Variants in TMA16 observed in about 807,000 individuals in gnomAD.
TMA16 encodes translation machinery associated 16 homolog, also known as translation machinery-associated protein 16.
TMA16 carries 26 observed loss-of-function variants against 27.1 expected under a neutral mutation model. The ratio of observed to expected loss-of-function variants is 0.96; its 90% CI spans 0.70 to 1.33. TMA16 has a LOEUF of 1.33. Ranked by LOEUF, TMA16 falls within the 40% of genes most tolerant of loss-of-function variation. The pLI is 0.00. For missense variants in TMA16, 233 were observed against 241.4 expected, an observed-to-expected ratio of 0.97 and a Z score of 0.23; for synonymous variants, 71 against 81.9, an observed-to-expected ratio of 0.87 and a Z score of 0.72.
In TMA16 at chr4:163,519,442, C is replaced by G; in HGVS notation, c.540C>G (p.Asp180Glu). Residue 180 changes from aspartate to glutamate, a missense_variant, in exon 7 of 7, where the codon GAC becomes GAG. Physicochemically the swap from Asp to Glu is conservative, Grantham distance 45. Coordinates refer to ENST00000358572, the MANE Select transcript of TMA16 (RefSeq NM_018352.3). ...AGAGGAAAACTATTATAACTGTAGACCAAGATTTGGGGGAATTGGAACTAA... is the reference window on the plus strand; with the variant it reads ...AGAGGAAAACTATTATAACTGTAGAGCAAGATTTGGGGGAATTGGAACTAA... The part of the protein sequence containing the change: ...TCKRKTIITV[D>E]QDLGELELND... 2 of 1,605,374 alleles carry G rather than the reference C, an allele frequency of 1.2e-6. No homozygotes were observed. The highest frequency in any genetic ancestry group is 1.7e-6 in the Non-Finnish European group (2 of 1,176,940).
At chr4:163,495,790 C>T (rs1406143398) in intron 1 of TMA16, among the ~76,000 whole-genome samples, 3 of 151,640 alleles carry the variant, frequency 2.0e-5, no homozygotes, top group East Asian at 1.9e-4. Flanking sequence ...TTCGTTGTTT[C>T]GCGAGTTTTT....
chr4:163,519,670 A>G lies in TMA16; in HGVS notation c.*156A>G. 1.4e-6 allele frequency: 1 copy of G among 721,822 alleles called. No individual in the cohort carries two copies. Among genetic ancestry groups the G allele is most frequent in the South Asian group, 2.3e-5 (1 of 42,946 alleles). 44.7% of individuals were successfully genotyped at this position (721,822 alleles called of 1,614,324 possible). A position where few individuals can be genotyped will look rare whatever the true frequency, so the allele number is the denominator to read the frequency against. On this transcript the variant is annotated 3_prime_UTR_variant, in exon 7 of 7. Transcript: ENST00000358572. ...TTTCAAAAATGGTGTTATGATACTTATTTTAAAATGAAGATTGCTTTTCAT... is the reference window on the plus strand; with the variant it reads ...TTTCAAAAATGGTGTTATGATACTTGTTTTAAAATGAAGATTGCTTTTCAT...
Position 163,494,774 on chromosome 4 carries a change from G to C in TMA16, c.-28G>C. 1 of 1,613,006 alleles carries C rather than the reference G, an allele frequency of 6.2e-7. No homozygotes were observed. The highest frequency in any genetic ancestry group is 8.5e-7 in the Non-Finnish European group (1 of 1,180,014). ...AGATTACCTGGGTCTAGAGTGCGGA[G>C]CTGCTCCGTGGCCACGAGGACGTCA... On this transcript the variant is annotated 5_prime_UTR_variant, in exon 1 of 7. Transcript: ENST00000358572.
Position 163,520,277 on chromosome 4 carries a change from ATAAAT to A in TMA16, c.*765_*769del. The A allele has an allele frequency of 4.7e-6, 1 of 212,630 alleles. No homozygotes were observed. The highest frequency in any genetic ancestry group is 9.2e-6 in the Non-Finnish European group (1 of 108,914). The allele number at this position is 212,630 out of a possible 1,614,324, so 13.2% of individuals were successfully genotyped here. The stretch of plus-strand genomic sequence containing the variant: ...ATTATGCTACTTTTTCTTCTAAGAG[ATAAAT>A]TGATATATCATTCAGTGTCATGAAA... On this transcript the variant is annotated 3_prime_UTR_variant, in exon 7 of 7. Coordinates refer to ENST00000358572, the MANE Select transcript of TMA16 (RefSeq NM_018352.3).
intron 6 of TMA16, among the ~76,000 whole-genome samples, chr4:163,517,896 C>T (rs376309112): frequency 1.3e-5 from 2 of 152,078 alleles, no homozygotes; most frequent in East Asian, 3.9e-4. Flanking sequence ...TCATCAAGAC[C>T]CGCTTTGTCC....
chr4:163,499,114 G>A (rs1737608447), intron 1 of TMA16, among the ~76,000 whole-genome samples: 1 of 152,052 alleles, frequency 6.6e-6, no homozygotes, highest in African/African-American at 2.4e-5. Flanking sequence ...TTTCATTGAA[G>A]TTTTTGTTTT....
chr4:163,498,286 ATTTTTTT>A (rs10608478), intron 1 of TMA16, among the ~76,000 whole-genome samples: 1 of 125,694 alleles, frequency 8.0e-6, no homozygotes, highest in African/African-American at 2.9e-5. Flanking sequence ...TGGTTAAAAG[ATTTTTTT>A]TTTTTTTTTT....
Position 163,519,863 on chromosome 4 carries a change from G to GT in TMA16, c.*352dup. On this transcript the variant is annotated 3_prime_UTR_variant, in exon 7 of 7. Coordinates refer to ENST00000358572, the MANE Select transcript of TMA16 (RefSeq NM_018352.3). ...CGTTTTGTGAAATGGACAGTAACCT[G>GT]TTTCCTGAAAGATTCCTGTGGGTAC... is the stretch of plus-strand genomic sequence containing the variant. 1 of 527,004 alleles carries GT rather than the reference G, an allele frequency of 1.9e-6. No individual in the cohort carries two copies. 32.6% of individuals were successfully genotyped at this position (527,004 alleles called of 1,614,324 possible). A position where few individuals can be genotyped will look rare whatever the true frequency, so the allele number is the denominator to read the frequency against.
Position 163,519,287 on chromosome 4 carries a change from A to G in TMA16, c.432-47A>G, listed in dbSNP as rs775427338. 7 of 1,474,116 alleles carry G rather than the reference A, an allele frequency of 4.7e-6. No individual in the cohort carries two copies. The South Asian group carries it at 1.0e-4, about 21-fold the overall frequency. The allele number at this position is 1,474,116 out of a possible 1,614,324, so 91.3% of individuals were successfully genotyped here. On this transcript the variant is annotated intron_variant, in intron 6 of 6. Transcript: ENST00000358572. ...TACTATCTCCTGTTTTTCCACATTA[A>G]CTCTTACCAACACTCTGCACTCTTT... is the stretch of plus-strand genomic sequence containing the variant.
Position 163,515,783 on chromosome 4 carries a change from A to G in TMA16, c.388+322A>G, listed in dbSNP as rs372329110. ...TGCAGTATCACATATGGATTTCTCA[A>G]ACTCTCTACTTGCATGTCTTTTGGG... On this transcript the variant is annotated intron_variant, in intron 5 of 6. Transcript: ENST00000358572. 6.4e-4 allele frequency: 119 copies of G among 187,082 alleles called. 1 individual carries two copies. In the South Asian group the frequency reaches 0.013, roughly 20 times the overall value. The allele number at this position is 187,082 out of a possible 1,614,324, so 11.6% of individuals were successfully genotyped here.
At chr4:163,517,207 G>C in intron 5 of TMA16, 1 of 518,842 alleles carries the variant, frequency 1.9e-6, no homozygotes, top group Admixed American at 3.4e-5. Flanking sequence ...TGGCCTAATA[G>C]CTTTGTTTTA....
chr4:163,514,152 T>G lies in TMA16; in HGVS notation c.233T>G (p.Ile78Ser), dbSNP rs1184504452. ...TCAAAGAAAGATGCTTGTGAACTAA[T>G]TGAAAGGTAAACACTGGGCATATTA... ...RYSKKDACELIERYLNRFSSE... is the reference protein window; with the variant it reads ...RYSKKDACELSERYLNRFSSE... Residue 78 changes from isoleucine to serine, a missense_variant, in exon 4 of 7, where the codon ATT becomes AGT. Physicochemically the swap from Ile to Ser is moderately radical, Grantham distance 142. Transcript: ENST00000358572. The G allele has an allele frequency of 6.2e-7, 1 of 1,605,918 alleles. No homozygotes were observed. Among genetic ancestry groups the G allele is most frequent in the Admixed American group, 1.7e-5 (1 of 58,598 alleles).
chr4:163,512,013 C>CTT (rs111789578), intron 2 of TMA16, among the ~76,000 whole-genome samples: 2 of 144,214 alleles, frequency 1.4e-5, no homozygotes, highest in Admixed American at 7.0e-5. Flanking sequence ...TAGTCCCTAT[C>CTT]TTTTTTTTTT....
intron 2 of TMA16, among the ~76,000 whole-genome samples, chr4:163,510,386 T>C (rs780977642): frequency 1.1e-3 from 164 of 152,344 alleles, no homozygotes; most frequent in Middle Eastern, 3.4e-3. Context: ...CAGTCAGTCC[T>C]CACCCTCTAC....
chr4:163,515,349 T>G lies in TMA16; in HGVS notation c.276T>G (p.Ile92Met), dbSNP rs931127367. Residue 92 changes from isoleucine (I) to methionine (M), a missense_variant, in exon 5 of 7, where the codon ATT (isoleucine) becomes ATG (methionine). By Grantham distance (10) the Ile-to-Met change is conservative (BLOSUM62 1). Coordinates refer to ENST00000358572, the MANE Select transcript of TMA16 (RefSeq NM_018352.3). ...GATTCAGCAGTGAGCTGGAGCAGAT[T>G]GAGTTACATAACAGTATCAGGGACA... ...LNRFSSELEQ[I>M]ELHNSIRDRQ... The G allele has an allele frequency of 1.2e-6, 2 of 1,612,886 alleles. No individual in the cohort carries two copies. Among genetic ancestry groups the G allele is most frequent in the Non-Finnish European group, 1.7e-6 (2 of 1,179,696 alleles).
At chr4:163,495,749 G>T (rs1053080320) in intron 1 of TMA16, among the ~76,000 whole-genome samples, 1 of 151,216 alleles carries the variant, frequency 6.6e-6, no homozygotes, top group African/African-American at 2.4e-5. Context: ...TCTTTTCATT[G>T]TATGCCATTT....
At chr4:163,503,086 C>G (rs1283265443) in intron 1 of TMA16, among the ~76,000 whole-genome samples, 1 of 152,120 alleles carries the variant, frequency 6.6e-6, no homozygotes, top group Non-Finnish European at 1.5e-5. Context: ...GGTTTAAAGC[C>G]TAGGAGCAAT....
chr4:163,511,254 A>T (rs1446313207), intron 2 of TMA16, among the ~76,000 whole-genome samples: 2 of 151,110 alleles, frequency 1.3e-5, no homozygotes, highest in Non-Finnish European at 2.9e-5. Flanking sequence ...CTTTAATTTT[A>T]GCCAATCTAG....
At chr4:163,507,682 G>C (rs940010296) in intron 2 of TMA16, among the ~76,000 whole-genome samples, 5 of 152,022 alleles carry the variant, frequency 3.3e-5, no homozygotes, top group African/African-American at 7.2e-5. Flanking sequence ...CTGTTGACAG[G>C]AAAGAGAAGA....
Sources: gnomAD v4.1 joint callset for allele counts (sites outside exome capture counted in the v4.1 genomes callset) on GRCh38, gnomAD v4.1.1 for gene constraint, MANE v1.5 for transcripts, NCBI Gene and HGNC (gene_info 2026-07-23, HGNC 2026-07-21) for gene names.